AGMO: variants seen among roughly 807,000 people sequenced by gnomAD.
AGMO encodes the protein alkylglycerol monooxygenase.
Under a neutral mutation model 60.2 loss-of-function variants are expected in AGMO, and 75 were observed. The observed-to-expected ratio is 1.25, with a 90% CI of 1.03 to 1.51. The LOEUF (loss-of-function observed/expected upper bound fraction) is 1.51. AGMO is among the 40% of genes most tolerant of loss of function. The probability of loss-of-function intolerance (pLI) is 0.00; values close to 1 mark genes in which losing one functional copy is unlikely to be tolerated. For synonymous variants in AGMO, 261 were observed against 177.1 expected, an observed-to-expected ratio of 1.47 and a Z score of -3.76; for missense variants, 763 against 525.5, an observed-to-expected ratio of 1.45 and a Z score of -4.42.
At chr7:15,132,927 C>T in the AGMO span, among the ~76,000 whole-genome samples, 1 of 152,088 alleles carries the variant, frequency 6.6e-6, no homozygotes, top group East Asian at 1.9e-4. Flanking sequence ...ATTACAAGTG[C>T]TAAGTCTTCA....
At chr7:15,192,004 C>CAG in the AGMO span, among the ~76,000 whole-genome samples, 4 of 148,044 alleles carry the variant, frequency 2.7e-5, no homozygotes, top group South Asian at 2.1e-4. Context: ...CACACACACA[C>CAG]ACAGAGAACT....
intron 12 of AGMO, among the ~76,000 whole-genome samples, chr7:15,280,541 C>G (rs1021749380): frequency 6.6e-6 from 1 of 152,170 alleles, no homozygotes; most frequent in Non-Finnish European, 1.5e-5. Flanking sequence ...AGGACAGAAA[C>G]TTTTGGCAGC....
At chr7:15,241,671 T>C (rs1261085555) in intron 12 of AGMO, among the ~76,000 whole-genome samples, 1 of 152,038 alleles carries the variant, frequency 6.6e-6, no homozygotes, top group Non-Finnish European at 1.5e-5. Context: ...ATCTCTTGAC[T>C]GTGAGTTTCC....
chr7:15,406,682 GTA>G (rs1288518947), intron 5 of AGMO, among the ~76,000 whole-genome samples: 28 of 52,336 alleles, frequency 5.4e-4, no homozygotes, highest in African/African-American at 2.6e-3. Flanking sequence ...ATATATATGT[GTA>G]TATATATGGA....
chr7:15,417,030 A>G (rs1048951418), intron 5 of AGMO, among the ~76,000 whole-genome samples: 4 of 152,358 alleles, frequency 2.6e-5, no homozygotes, highest in Admixed American at 6.5e-5. Context: ...TGTGTATAAT[A>G]AACGAATGTA....
At chr7:15,280,646 T>G (rs529227933) in intron 12 of AGMO, among the ~76,000 whole-genome samples, 1 of 152,170 alleles carries the variant, frequency 6.6e-6, no homozygotes. Flanking sequence ...CTGGTGCCCT[T>G]TGCAAATGCC....
intron 3 of AGMO, among the ~76,000 whole-genome samples, chr7:15,527,076 T>C (rs1308120554): frequency 2.0e-5 from 3 of 152,102 alleles, no homozygotes; most frequent in South Asian, 2.1e-4. Flanking sequence ...TTAAGCCAAT[T>C]AATAACCCTA....
intron 3 of AGMO, among the ~76,000 whole-genome samples, chr7:15,537,114 G>T (rs1031658465): frequency 1.3e-5 from 2 of 151,950 alleles, no homozygotes; most frequent in African/African-American, 4.8e-5. Flanking sequence ...TTTCCCTCCT[G>T]TTCCCATTTG....
At chr7:15,504,808 A>G (rs1783469389) in intron 3 of AGMO, among the ~76,000 whole-genome samples, 1 of 151,744 alleles carries the variant, frequency 6.6e-6, no homozygotes, top group South Asian at 2.1e-4. Flanking sequence ...AAGGGAAAAC[A>G]TCCTGTCATG....
chr7:15,466,482 G>C (rs1345369948), intron 3 of AGMO, among the ~76,000 whole-genome samples: 8 of 152,150 alleles, frequency 5.3e-5, no homozygotes, highest in Non-Finnish European at 7.3e-5. Flanking sequence ...CCTGAAGTAG[G>C]TAGCATTAAT....
At chr7:15,486,982 C>A (rs559893555) in intron 3 of AGMO, among the ~76,000 whole-genome samples, 1 of 152,144 alleles carries the variant, frequency 6.6e-6, no homozygotes, top group East Asian at 1.9e-4. Flanking sequence ...ATCCTCCACC[C>A]CTTCATCCCT....
intron 3 of AGMO, among the ~76,000 whole-genome samples, chr7:15,464,818 A>G (rs1327835617): frequency 2.0e-5 from 3 of 152,222 alleles, no homozygotes; most frequent in African/African-American, 7.2e-5. Flanking sequence ...GGTAAGGCCA[A>G]AAAAGCAATT....
intron 10 of AGMO, among the ~76,000 whole-genome samples, chr7:15,377,203 T>C (rs545601844): frequency 6.6e-6 from 1 of 152,164 alleles, no homozygotes; most frequent in Non-Finnish European, 1.5e-5. Context: ...AAACAACCTT[T>C]CTTCCTAGTC....
intron 3 of AGMO, among the ~76,000 whole-genome samples, chr7:15,448,070 G>C (rs776192977): frequency 2.6e-4 from 39 of 152,072 alleles, no homozygotes; most frequent in Non-Finnish European, 4.9e-4. Context: ...GTAGGGATTT[G>C]ACTTTGGTCT....
At chr7:15,463,709 A>T (rs1053381666) in intron 3 of AGMO, among the ~76,000 whole-genome samples, 1 of 152,140 alleles carries the variant, frequency 6.6e-6, no homozygotes, top group Non-Finnish European at 1.5e-5. Flanking sequence ...CAATGCAATA[A>T]TCATTTGGAA....
chr7:15,465,605 A>T lies in AGMO; in HGVS notation c.410-34497T>A, dbSNP rs1583580595. On this transcript the variant is annotated intron_variant, in intron 3 of 12. Coordinates refer to ENST00000342526, the MANE Select transcript of AGMO (RefSeq NM_001004320.2). ...TCCGGCTAATTATATATATATATTT[A>T]TATATATATATGATTTTTTTTTTAG... Among the ~76,000 whole-genome samples the T allele has an allele frequency of 2.0e-5, 3 of 146,532 alleles. No homozygotes were observed. In the South Asian group the frequency reaches 6.3e-4, roughly 31 times the overall value.
Position 15,300,238 on chromosome 7 carries a change from G to C in AGMO, c.1263+65276C>G, listed in dbSNP as rs549927635. Among the ~76,000 whole-genome samples the C allele has an allele frequency of 1.4e-4, 21 of 151,974 alleles. No individual in the cohort carries two copies. The South Asian group carries it at 4.4e-3, about 32-fold the overall frequency. Reference sequence around the variant, plus strand: ...GGGAAAAAATTAAAGCACAGTGAGGGAAGTGCTGAGTATGTTTAGTTGCTA... The same window carrying C: ...GGGAAAAAATTAAAGCACAGTGAGGCAAGTGCTGAGTATGTTTAGTTGCTA... On this transcript the variant is annotated intron_variant, in intron 12 of 12. Transcript: ENST00000342526.
chr7:15,158,804 T>A, the AGMO span, among the ~76,000 whole-genome samples: 1 of 152,134 alleles, frequency 6.6e-6, no homozygotes, highest in Non-Finnish European at 1.5e-5. Context: ...GTATAATGTA[T>A]GTCAGGACTT....
chr7:15,252,837 A>G (rs1191822684), intron 12 of AGMO, among the ~76,000 whole-genome samples: 1 of 152,208 alleles, frequency 6.6e-6, no homozygotes, highest in Non-Finnish European at 1.5e-5. Flanking sequence ...GATACTGAAA[A>G]AGGGTGGGCG....
Sources: gnomAD v4.1 joint callset for allele counts (sites outside exome capture counted in the v4.1 genomes callset) on GRCh38, gnomAD v4.1.1 for gene constraint, MANE v1.5 for transcripts, NCBI Gene and HGNC (gene_info 2026-07-23, HGNC 2026-07-21) for gene names.